Variants in IGSF21 observed in about 807,000 individuals in gnomAD.
IGSF21 encodes the protein immunoglobin superfamily member 21, also known as immunoglobulin superfamily member 21.
Under a neutral mutation model 46.8 loss-of-function variants are expected in IGSF21, and 28 were observed. That is an observed-to-expected ratio of 0.60 (90% CI 0.44 to 0.82). The LOEUF is 0.82. Among genes scored for constraint, IGSF21 ranks in the 40% least tolerant of loss-of-function variants. IGSF21 has a pLI of 0.00. For missense variants in IGSF21, 624 were observed against 665.5 expected, an observed-to-expected ratio of 0.94 and a Z score of 0.69; for synonymous variants, 284 against 273.6, an observed-to-expected ratio of 1.04 and a Z score of -0.38.
intron 3 of IGSF21, among the ~76,000 whole-genome samples, chr1:18,298,467 T>G (rs1294896406): frequency 2.0e-5 from 3 of 152,146 alleles, no homozygotes; most frequent in Non-Finnish European, 4.4e-5. Context: ...CTTCAACCAC[T>G]CCTCCCACAC....
chr1:18,370,574 TA>T (rs1459748697), intron 6 of IGSF21, among the ~76,000 whole-genome samples: 1 of 148,842 alleles, frequency 6.7e-6, no homozygotes, highest in Non-Finnish European at 1.5e-5. Flanking sequence ...AAAAACTAAA[TA>T]AAAACTAAAT....
At position 18,262,857 on chromosome 1, in the gene IGSF21, G is replaced by C. The variant is rs920275877; in HGVS notation, c.184-29009G>C. ...GACCTGGCATGTTTTCCAAGGGGCT[G>C]GTGAGGCAAGTCTGCATTTCCAGGG... is the stretch of plus-strand genomic sequence containing the variant. On this transcript the variant is annotated intron_variant, in intron 2 of 9. Coordinates refer to ENST00000251296, the MANE Select transcript of IGSF21 (RefSeq NM_032880.5). 3.9e-5 allele frequency among the ~76,000 whole-genome samples: 6 copies of C among 152,216 alleles called. No individual in the cohort carries two copies. In the South Asian group the frequency reaches 1.0e-3, roughly 26 times the overall value.
intron 4 of IGSF21, among the ~76,000 whole-genome samples, chr1:18,357,559 G>C (rs1010297202): frequency 1.3e-5 from 2 of 152,064 alleles, no homozygotes; most frequent in African/African-American, 2.4e-5. Flanking sequence ...AAAAAGGGAA[G>C]CCTAAGTGAA....
chr1:18,190,905 C>T (rs534469318), intron 1 of IGSF21, among the ~76,000 whole-genome samples: 58 of 152,148 alleles, frequency 3.8e-4, no homozygotes, highest in Non-Finnish European at 6.9e-4. Context: ...CAGCCAAGTC[C>T]TCTGGAAAAG....
intron 3 of IGSF21, among the ~76,000 whole-genome samples, chr1:18,310,428 C>T (rs1020465646): frequency 2.6e-5 from 4 of 152,158 alleles, no homozygotes; most frequent in African/African-American, 9.7e-5. Flanking sequence ...GTAGCAGTGG[C>T]TTGTTCTTTT....
chr1:18,260,704 CT>C (rs2084939086), intron 2 of IGSF21, among the ~76,000 whole-genome samples: 1 of 152,174 alleles, frequency 6.6e-6, no homozygotes, highest in South Asian at 2.1e-4. Flanking sequence ...ACATGGTGCA[CT>C]GGTGGGCATG....
intron 1 of IGSF21, among the ~76,000 whole-genome samples, chr1:18,194,393 T>C (rs1347347586): frequency 6.6e-6 from 1 of 152,094 alleles, no homozygotes; most frequent in Non-Finnish European, 1.5e-5. Flanking sequence ...ACAACAGAAA[T>C]GTATTCCTTT....
chr1:18,268,148 C>T (rs2085007695), intron 2 of IGSF21, among the ~76,000 whole-genome samples: 7 of 152,254 alleles, frequency 4.6e-5, no homozygotes, highest in Admixed American at 4.6e-4. Flanking sequence ...ATCATGTTTT[C>T]AACCACACGG....
At chr1:18,216,478 G>A (rs1388463111) in intron 1 of IGSF21, among the ~76,000 whole-genome samples, 1 of 152,128 alleles carries the variant, frequency 6.6e-6, no homozygotes, top group Non-Finnish European at 1.5e-5. Flanking sequence ...AGATTTTAGG[G>A]GGCTGGGTAC....
chr1:18,341,928 C>T (rs765728696), intron 4 of IGSF21, among the ~76,000 whole-genome samples: 64 of 152,116 alleles, frequency 4.2e-4, no homozygotes, highest in Non-Finnish European at 2.5e-4. Flanking sequence ...AAGTCTGGAG[C>T]CAGGAAACAC....
rs2085686068 is a variant in IGSF21 at position 18,329,072 on chromosome 1, G to A, written c.306-5820G>A. 2.6e-5 allele frequency among the ~76,000 whole-genome samples: 4 copies of A among 152,172 alleles called. No homozygotes were observed. In the South Asian group the frequency reaches 8.3e-4, roughly 32 times the overall value. On this transcript the variant is annotated intron_variant, in intron 3 of 9. Transcript: ENST00000251296. The stretch of plus-strand genomic sequence containing the variant: ...GTGGCAAGCCTCAGAATAGAGACAC[G>A]CTCAAGAGTGATGGAGGCAAATTCA...
Position 18,322,740 on chromosome 1 carries a change from G to A in IGSF21, c.306-12152G>A, listed in dbSNP as rs79816593. 0.025 allele frequency among the ~76,000 whole-genome samples: 3,713 copies of A among 151,550 alleles called. 91 individuals are homozygous for A. Among genetic ancestry groups the A allele is most frequent in the African/African-American group, 0.063 (2,616 of 41,432 alleles). Reference sequence around the variant, plus strand: ...GCCCACCCCTGAACCCAGAGCCTGAGTCCAACAGGCTGACCAGTGAGGGGC... The same window carrying A: ...GCCCACCCCTGAACCCAGAGCCTGAATCCAACAGGCTGACCAGTGAGGGGC... On this transcript the variant is annotated intron_variant, in intron 3 of 9. Coordinates refer to ENST00000251296, the MANE Select transcript of IGSF21 (RefSeq NM_032880.5). The surrounding 1 kb of genome is among the most constrained non-coding windows in gnomAD (Gnocchi z 4.3).
intron 1 of IGSF21, among the ~76,000 whole-genome samples, chr1:18,146,336 G>A (rs571884822): frequency 2.0e-5 from 3 of 152,292 alleles, no homozygotes; most frequent in Admixed American, 2.0e-4. Flanking sequence ...TTTGTACCAA[G>A]AGGGGGATGG....
chr1:18,231,251 A>T (rs12037086), intron 2 of IGSF21, among the ~76,000 whole-genome samples: 3 of 152,126 alleles, frequency 2.0e-5, no homozygotes, highest in Admixed American at 2.0e-4. Flanking sequence ...CTGAGCTGTC[A>T]GAAAACATCA....
chr1:18,301,496 C>T (rs2085361675), intron 3 of IGSF21, among the ~76,000 whole-genome samples: 1 of 152,156 alleles, frequency 6.6e-6, no homozygotes, highest in Admixed American at 6.5e-5. Context: ...CCCACCACCA[C>T]ACCTGGCCAA....
At chr1:18,351,803 A>G (rs906431583) in intron 4 of IGSF21, among the ~76,000 whole-genome samples, 1 of 152,214 alleles carries the variant, frequency 6.6e-6, no homozygotes, top group Non-Finnish European at 1.5e-5. Context: ...GTTACACCCC[A>G]TAGATTTCAT....
intron 1 of IGSF21, among the ~76,000 whole-genome samples, chr1:18,190,119 G>A (rs944975063): frequency 6.6e-6 from 1 of 152,184 alleles, no homozygotes; most frequent in Admixed American, 6.5e-5. Context: ...CCAGACCCAA[G>A]GTGATGCTCT....
chr1:18,182,756 C>G (rs1026023601), intron 1 of IGSF21, among the ~76,000 whole-genome samples: 1 of 152,228 alleles, frequency 6.6e-6, no homozygotes, highest in African/African-American at 2.4e-5. Context: ...GCACTTCCCA[C>G]CCCTCGAGGG....
At chr1:18,360,569 G>A (rs1043707888) in intron 4 of IGSF21, among the ~76,000 whole-genome samples, 8 of 152,078 alleles carry the variant, frequency 5.3e-5, no homozygotes, top group Non-Finnish European at 8.8e-5. Context: ...CTTAACTAGA[G>A]TGAAAACCCC....
Sources: gnomAD v4.1 joint callset for allele counts (sites outside exome capture counted in the v4.1 genomes callset) on GRCh38, gnomAD v4.1.1 for gene constraint, Gnocchi (gnomAD v3.1) non-coding constraint, MANE v1.5 for transcripts, NCBI Gene and HGNC (gene_info 2026-07-23, HGNC 2026-07-21) for gene names.